AGBL1: variants seen among roughly 807,000 people sequenced by gnomAD.
The protein encoded by AGBL1 is AGBL carboxypeptidase 1.
A neutral mutation model predicts 118.9 loss-of-function variants in AGBL1; 130 were observed. The observed-to-expected ratio is 1.09, with a 90% CI of 0.95 to 1.26. The LOEUF (loss-of-function observed/expected upper bound fraction) is 1.26, where lower values mean the gene tolerates loss of function less well. Among genes scored for constraint, AGBL1 ranks in the 50% most tolerant of loss-of-function variants. The pLI is 0.00. For synonymous variants in AGBL1, 555 were observed against 478.9 expected (o/e 1.16, Z -2.08); for missense variants, 1,584 against 1,298.1 (o/e 1.22, Z -3.38).
intron 21 of AGBL1, among the ~76,000 whole-genome samples, chr15:86,635,292 T>G (rs563505515): frequency 4.7e-5 from 1 of 21,072 alleles, no homozygotes; most frequent in African/African-American, 2.3e-4. Context: ...CCCCTCCCCC[T>G]CCCCCTCCCC....
intron 17 of AGBL1, among the ~76,000 whole-genome samples, chr15:86,313,040 T>C (rs923905056): frequency 1.3e-5 from 2 of 152,208 alleles, no homozygotes; most frequent in South Asian, 4.1e-4. Flanking sequence ...GCTTTCAGCT[T>C]CTGGAAGGTG....
intron 22 of AGBL1, among the ~76,000 whole-genome samples, chr15:86,685,907 G>C (rs1021981009): frequency 6.6e-6 from 1 of 151,988 alleles, no homozygotes; most frequent in East Asian, 1.9e-4. Context: ...GTTCTTTACC[G>C]AAGAGCTGAC....
At chr15:86,120,821 A>T (rs534807916) in intron 1 of AGBL1, among the ~76,000 whole-genome samples, 1 of 152,116 alleles carries the variant, frequency 6.6e-6, no homozygotes, top group African/African-American at 2.4e-5. Context: ...CCAAGGATAA[A>T]AGAAACTTTT....
intron 22 of AGBL1, among the ~76,000 whole-genome samples, chr15:86,871,439 T>A (rs2079726742): frequency 6.6e-6 from 1 of 152,106 alleles, no homozygotes; most frequent in South Asian, 2.1e-4. Context: ...TATCATTAGA[T>A]CTCTATAGAC....
At chr15:86,265,131 T>C (rs1018705369) in intron 11 of AGBL1, among the ~76,000 whole-genome samples, 1 of 152,210 alleles carries the variant, frequency 6.6e-6, no homozygotes, top group Non-Finnish European at 1.5e-5. Flanking sequence ...CAAAGAAAGA[T>C]CATCCAGTTT....
At chr15:86,904,854 A>G (rs574843113) in intron 22 of AGBL1, among the ~76,000 whole-genome samples, 1 of 152,198 alleles carries the variant, frequency 6.6e-6, no homozygotes, top group South Asian at 2.1e-4. Flanking sequence ...TATATGTTCA[A>G]TTCAGCAACT....
At chr15:86,874,755 T>G (rs1365552517) in intron 22 of AGBL1, among the ~76,000 whole-genome samples, 2 of 152,178 alleles carry the variant, frequency 1.3e-5, no homozygotes, top group Admixed American at 1.3e-4. Context: ...ATATTATGAG[T>G]ACTTTTTATG....
At chr15:87,022,917 T>C (rs2081680705) in intron 24 of AGBL1, among the ~76,000 whole-genome samples, 1 of 152,020 alleles carries the variant, frequency 6.6e-6, no homozygotes, top group Non-Finnish European at 1.5e-5. Context: ...GCTGAGAGAA[T>C]TTACCACTAC....
intron 22 of AGBL1, among the ~76,000 whole-genome samples, chr15:86,802,432 C>T (rs919811065): frequency 6.6e-6 from 1 of 152,074 alleles, no homozygotes; most frequent in African/African-American, 2.4e-5. Flanking sequence ...TTCCAGTGGA[C>T]AAATGTTCAA....
chr15:86,797,620 C>T (rs1299896338), intron 22 of AGBL1, among the ~76,000 whole-genome samples: 1 of 152,016 alleles, frequency 6.6e-6, no homozygotes, highest in Non-Finnish European at 1.5e-5. Context: ...ACAAAGAGGC[C>T]CTGCTTAAAT....
intron 1 of AGBL1, among the ~76,000 whole-genome samples, chr15:86,099,120 C>A (rs749826467): frequency 2.6e-5 from 4 of 151,874 alleles, no homozygotes; most frequent in Non-Finnish European, 5.9e-5. Flanking sequence ...ATGCCTACTT[C>A]AAAAAAGTAG....
intron 13 of AGBL1, among the ~76,000 whole-genome samples, chr15:86,267,361 T>C (rs1357355059): frequency 6.6e-6 from 1 of 152,206 alleles, no homozygotes; most frequent in Admixed American, 6.5e-5. Flanking sequence ...CTGTTATTAA[T>C]GTGTCTTGTG....
chr15:86,721,775 A>T (rs1454214367), intron 22 of AGBL1, among the ~76,000 whole-genome samples: 3 of 152,198 alleles, frequency 2.0e-5, no homozygotes, highest in African/African-American at 7.2e-5. Flanking sequence ...TCAGCCCAAA[A>T]TCTCCTTAAG....
chr15:86,305,433 T>C (rs1390863), intron 17 of AGBL1, among the ~76,000 whole-genome samples: 1,681 of 152,248 alleles, frequency 0.011, 30 homozygotes, highest in African/African-American at 0.036. Flanking sequence ...ATCTCATCTA[T>C]TGGGGAGTTT....
intron 18 of AGBL1, among the ~76,000 whole-genome samples, chr15:86,423,929 ACCAATATAGAGAAAATGGACATACTG>A (rs1353425343): frequency 6.6e-6 from 1 of 152,226 alleles, no homozygotes; most frequent in Admixed American, 6.5e-5. Context: ...GATAGAAAGA[ACCAATATAGAGAAAATGGACATACTG>A]CCCAAAGTAA....
At position 86,401,610 on chromosome 15, in the gene AGBL1, T is replaced by G. The variant is rs533656869; in HGVS notation, c.2555+4064T>G. Among the ~76,000 whole-genome samples the G allele has an allele frequency of 3.3e-5, 5 of 152,324 alleles. No individual in the cohort carries two copies. The South Asian group carries it at 1.0e-3, about 32-fold the overall frequency. On this transcript the variant is annotated intron_variant, in intron 18 of 22. Transcript: ENST00000614907. Reference sequence around the variant, plus strand: ...CTTAGATTTAAGTCTTTGATCCATCTTGAGTTGATTTTTATATAAGGTGAA... The same window carrying G: ...CTTAGATTTAAGTCTTTGATCCATCGTGAGTTGATTTTTATATAAGGTGAA...
chr15:86,646,992 G>T (rs1364742914), intron 21 of AGBL1, among the ~76,000 whole-genome samples: 1 of 151,872 alleles, frequency 6.6e-6, no homozygotes, highest in Non-Finnish European at 1.5e-5. Context: ...TAATGTATTT[G>T]AACACATTGT....
chr15:86,952,062 C>T (rs1416826722), intron 23 of AGBL1, among the ~76,000 whole-genome samples: 2 of 152,020 alleles, frequency 1.3e-5, no homozygotes, highest in African/African-American at 4.8e-5. Context: ...GAAACCCCGT[C>T]TCTACTAAAA....
At chr15:86,215,033 C>T (rs770458195) in intron 5 of AGBL1, among the ~76,000 whole-genome samples, 1 of 152,130 alleles carries the variant, frequency 6.6e-6, no homozygotes, top group Non-Finnish European at 1.5e-5. Flanking sequence ...CCATCCTGGG[C>T]ACAGGATCTG....
Sources: allele counts gnomAD v4.1 joint callset (sites outside exome capture counted in the v4.1 genomes callset), GRCh38; gene constraint gnomAD v4.1.1; transcripts MANE v1.5; gene names NCBI Gene and HGNC (gene_info 2026-07-23, HGNC 2026-07-21).